RHBDL3: variants seen among roughly 807,000 people sequenced by gnomAD.
RHBDL3 encodes the protein rhomboid like 3.
RHBDL3 carries 28 observed loss-of-function variants against 48.2 expected under a neutral mutation model. That is an observed-to-expected ratio of 0.58 (90% CI 0.43 to 0.80). The LOEUF (loss-of-function observed/expected upper bound fraction) is 0.80. Ranked by LOEUF, RHBDL3 falls within the 30% of genes least tolerant of loss-of-function variation. The pLI is 0.00. For synonymous variants in RHBDL3, 208 were observed against 232.3 expected, an observed-to-expected ratio of 0.90 and a Z score of 0.95; for missense variants, 464 against 542.7, an observed-to-expected ratio of 0.85 and a Z score of 1.44.
At chr17:32,298,009 T>C (rs1359116490) in intron 5 of RHBDL3, 83 bp from the exon 6 acceptor site, 3 of 983,156 alleles carry the variant, frequency 3.1e-6, no homozygotes, top group African/African-American at 3.2e-5. Context: ...CCTGGCATCT[T>C]GGGGGATGCA....
intron 7 of RHBDL3, among the ~76,000 whole-genome samples, chr17:32,308,309 G>A (rs887860577): frequency 3.3e-5 from 5 of 152,140 alleles, no homozygotes; most frequent in Admixed American, 1.3e-4. Context: ...TGGGTTGGGC[G>A]CGCTGGCTCA....
At chr17:32,320,295 G>T (rs944150610) in intron 8 of RHBDL3, among the ~76,000 whole-genome samples, 1 of 151,990 alleles carries the variant, frequency 6.6e-6, no homozygotes, top group Non-Finnish European at 1.5e-5. Flanking sequence ...TCTGTTAAGG[G>T]GTCAATTCAG....
chr17:32,273,396 C>T (rs1476505538), intron 2 of RHBDL3, among the ~76,000 whole-genome samples: 1 of 152,244 alleles, frequency 6.6e-6, no homozygotes, highest in Non-Finnish European at 1.5e-5. Context: ...GATCCCAACC[C>T]TGCTTTCTAT....
intron 6 of RHBDL3, among the ~76,000 whole-genome samples, chr17:32,303,321 A>G (rs1379193093): frequency 6.6e-6 from 1 of 152,212 alleles, no homozygotes; most frequent in South Asian, 2.1e-4. Context: ...TCCTCTGTCC[A>G]AAAGGTAATT....
At chr17:32,290,068 T>G (rs1253226359) in intron 4 of RHBDL3, among the ~76,000 whole-genome samples, 1 of 152,168 alleles carries the variant, frequency 6.6e-6, no homozygotes, top group Non-Finnish European at 1.5e-5. Context: ...TGAGGCCCAA[T>G]AATAACGAGA....
chr17:32,308,248 G>A lies in RHBDL3; in HGVS notation c.882+2807G>A, dbSNP rs142896703. 1.4e-4 allele frequency among the ~76,000 whole-genome samples: 22 copies of A among 152,296 alleles called. No individual in the cohort carries two copies. The East Asian group carries it at 2.5e-3, about 17-fold the overall frequency. Reference sequence around the variant, plus strand: ...GGCTTTCCTTGGCCAACTGGGAGCTGTGCAGTCCCCAGAGCATGACACATG... The same window carrying A: ...GGCTTTCCTTGGCCAACTGGGAGCTATGCAGTCCCCAGAGCATGACACATG... On this transcript the variant is annotated intron_variant, in intron 7 of 8. Transcript: ENST00000269051.
chr17:32,280,163 G>A (rs532049831), intron 2 of RHBDL3, among the ~76,000 whole-genome samples: 3 of 152,302 alleles, frequency 2.0e-5, no homozygotes, highest in African/African-American at 7.2e-5. Flanking sequence ...TATTCAGGAG[G>A]CAGCTTCCAG....
Position 32,266,248 on chromosome 17 carries a change from TCGAGGAGCTGGAACCCGAGGC to T in RHBDL3, c.68_88del (p.Leu23_Glu29del). 3 of 1,460,612 alleles carry T rather than the reference TCGAGGAGCTGGAACCCGAGGC, an allele frequency of 2.1e-6. No homozygotes were observed. The allele number at this position is 1,460,612 out of a possible 1,614,324, so 90.5% of individuals were successfully genotyped here. A position where few individuals can be genotyped will look rare whatever the true frequency, so the allele number is the denominator to read the frequency against. On this transcript the variant is annotated inframe_deletion, in exon 1 of 9. Transcript: ENST00000269051. Reference sequence around the variant, plus strand: ...GCCGCCTGCGCCGAGGCGGAGCGCATCGAGGAGCTGGAACCCGAGGCCGAGGAGCGGCTGCCCGCGGCGCCG... The same window carrying T: ...GCCGCCTGCGCCGAGGCGGAGCGCATCGAGGAGCGGCTGCCCGCGGCGCCG...
intron 8 of RHBDL3, among the ~76,000 whole-genome samples, chr17:32,319,575 G>A (rs2041065131): frequency 6.6e-6 from 1 of 152,184 alleles, no homozygotes; most frequent in Non-Finnish European, 1.5e-5. Flanking sequence ...AGGAGTGGGA[G>A]TGCGGAGGGC....
At chr17:32,318,977 T>G (rs1651502087) in intron 8 of RHBDL3, among the ~76,000 whole-genome samples, 1 of 152,144 alleles carries the variant, frequency 6.6e-6, no homozygotes, top group Non-Finnish European at 1.5e-5. Context: ...AGGAAGGAAC[T>G]TCCAGCCTTA....
chr17:32,291,517 C>T (rs12939007), intron 4 of RHBDL3, among the ~76,000 whole-genome samples: 44,421 of 150,722 alleles, frequency 0.29, 6,855 homozygotes, highest in African/African-American at 0.39. Flanking sequence ...CCCGTCTCTA[C>T]TAAAAATACA....
At position 32,321,219 on chromosome 17, in the gene RHBDL3, C is replaced by T. The variant is rs759890059; in HGVS notation, c.1205C>T (p.Pro402Leu). ...ACCCTGCTGGACTTAAAGCTGCCGC[C>T]TCCCCCCTGAGGGCTGGAGGCCCAA... ...AYTLLDLKLP[P>L]PP Residue 402 changes from proline (P) to leucine (L), a missense_variant, in exon 9 of 9, where the codon CCT (proline) becomes CTT (leucine). Pro to Leu is a moderately conservative substitution (Grantham distance 98). Coordinates refer to ENST00000269051, the MANE Select transcript of RHBDL3 (RefSeq NM_138328.3). 9 of 1,614,112 alleles carry T rather than the reference C, an allele frequency of 5.6e-6. No individual in the cohort carries two copies. Among genetic ancestry groups the T allele is most frequent in the South Asian group, 1.1e-5 (1 of 91,094 alleles).
chr17:32,267,192 G>A (rs1163011892), intron 1 of RHBDL3, among the ~76,000 whole-genome samples: 1 of 152,080 alleles, frequency 6.6e-6, no homozygotes, highest in East Asian at 1.9e-4. Context: ...GGGTTGGGGG[G>A]TAGTTTACGA....
At chr17:32,287,470 G>T (rs923523373) in intron 3 of RHBDL3, among the ~76,000 whole-genome samples, 2 of 152,190 alleles carry the variant, frequency 1.3e-5, no homozygotes, top group Non-Finnish European at 1.5e-5. Context: ...GTTGGAAAAG[G>T]TTCATCTGGG....
chr17:32,310,572 G>T (rs982617361), intron 7 of RHBDL3, among the ~76,000 whole-genome samples: 1 of 152,168 alleles, frequency 6.6e-6, no homozygotes, highest in South Asian at 2.1e-4. Flanking sequence ...AATTAGGTGG[G>T]CGTGGTGGCA....
chr17:32,309,133 A>G (rs187425415), intron 7 of RHBDL3, among the ~76,000 whole-genome samples: 6 of 152,088 alleles, frequency 3.9e-5, no homozygotes, highest in Admixed American at 6.6e-5. Context: ...ATATCGTTCT[A>G]CCTAATAGAT....
intron 2 of RHBDL3, among the ~76,000 whole-genome samples, chr17:32,269,389 T>C (rs1297369670): frequency 6.6e-6 from 1 of 152,182 alleles, no homozygotes; most frequent in East Asian, 1.9e-4. Context: ...GAGAGACGTT[T>C]GGCAAAAATG....
At chr17:32,291,957 A>G (rs553459411) in intron 4 of RHBDL3, among the ~76,000 whole-genome samples, 1 of 152,012 alleles carries the variant, frequency 6.6e-6, no homozygotes, top group East Asian at 2.0e-4. Flanking sequence ...TTTTTAGTAG[A>G]GACGGGGTTT....
intron 4 of RHBDL3, among the ~76,000 whole-genome samples, chr17:32,291,213 A>T (rs1041203763): frequency 6.6e-5 from 10 of 151,644 alleles, no homozygotes; most frequent in African/African-American, 2.4e-4. Context: ...GGTGCCTGTA[A>T]TCCCAGCTAC....
Sources: allele counts gnomAD v4.1 joint callset (sites outside exome capture counted in the v4.1 genomes callset), GRCh38; gene constraint gnomAD v4.1.1; transcripts MANE v1.5; gene names NCBI Gene and HGNC (gene_info 2026-07-23, HGNC 2026-07-21).